The following C10orf90 variants were observed in gnomAD, a reference collection of about 807,000 sequenced individuals.
The protein encoded by C10orf90 is (E2-independent) E3 ubiquitin-conjugating enzyme FATS.
C10orf90 carries 56 observed loss-of-function variants against 62.5 expected under a neutral mutation model. The observed-to-expected ratio is 0.90, with a 90% CI of 0.72 to 1.12. C10orf90 has a LOEUF of 1.12. C10orf90 is among the 50% of genes most tolerant of loss of function. The pLI, the probability that C10orf90 is intolerant of heterozygous loss-of-function variation, is 0.00. For missense variants in C10orf90, 970 were observed against 880.4 expected (o/e 1.10, Z -1.29); for synonymous variants, 386 against 340.4 (o/e 1.13, Z -1.47).
intron 8 of C10orf90, 135 bp downstream of exon 8, chr10:126,429,652 A>T: frequency 1.5e-6 from 1 of 675,212 alleles, no homozygotes; most frequent in Non-Finnish European, 2.6e-6. Context: ...CCGTTTTTTC[A>T]GATTTGCAGC....
chr10:126,459,488 G>A (rs923382981), intron 6 of C10orf90, among the ~76,000 whole-genome samples: 3 of 152,212 alleles, frequency 2.0e-5, no homozygotes, highest in African/African-American at 7.2e-5. Flanking sequence ...AGCTGGGAGT[G>A]CAGAGGCAAC....
chr10:126,593,295 A>G (rs979012720), intron 2 of C10orf90, among the ~76,000 whole-genome samples: 7 of 152,352 alleles, frequency 4.6e-5, no homozygotes, highest in Non-Finnish European at 8.8e-5. Context: ...CCAAATACCC[A>G]TCAGTGATAG....
chr10:126,506,352 G>A (rs1323634555), intron 3 of C10orf90, among the ~76,000 whole-genome samples: 4 of 152,248 alleles, frequency 2.6e-5, no homozygotes, highest in Non-Finnish European at 5.9e-5. Context: ...GGCTAACAGG[G>A]TCCTGGCCCC....
intron 2 of C10orf90, among the ~76,000 whole-genome samples, chr10:126,635,954 G>A (rs538891969): frequency 3.9e-5 from 6 of 152,282 alleles, no homozygotes; most frequent in African/African-American, 1.4e-4. Flanking sequence ...TTATTCAGGA[G>A]CTCTCCCCTC....
intron 1 of C10orf90, among the ~76,000 whole-genome samples, chr10:126,655,414 A>T (rs1285159612): frequency 2.6e-5 from 4 of 152,346 alleles, no homozygotes; most frequent in African/African-American, 4.8e-5. Context: ...AGAATTTCTA[A>T]AATGTGACAC....
intron 2 of C10orf90, among the ~76,000 whole-genome samples, chr10:126,575,211 G>T (rs1290237514): frequency 6.6e-6 from 1 of 151,954 alleles, no homozygotes; most frequent in Non-Finnish European, 1.5e-5. Context: ...AAGTCAAATT[G>T]TCCCTGTTTG....
chr10:126,595,658 G>A (rs928047587), intron 2 of C10orf90, among the ~76,000 whole-genome samples: 1 of 152,072 alleles, frequency 6.6e-6, no homozygotes, highest in Non-Finnish European at 1.5e-5. Context: ...TCTGGGCCCC[G>A]TTCCCCCATC....
intron 2 of C10orf90, chr10:126,524,779 G>A: frequency 1.0e-6 from 1 of 985,510 alleles, no homozygotes; most frequent in Non-Finnish European, 1.2e-6. Flanking sequence ...ATGAGGGCTT[G>A]TCCTACAAGA....
intron 2 of C10orf90, among the ~76,000 whole-genome samples, chr10:126,618,247 T>C (rs1053252669): frequency 2.0e-5 from 3 of 152,330 alleles, no homozygotes; most frequent in Admixed American, 6.5e-5. Flanking sequence ...GCCCGCATGA[T>C]GCATCTCGAT....
At chr10:126,556,322 G>C (rs1036549121) in intron 2 of C10orf90, among the ~76,000 whole-genome samples, 5 of 152,146 alleles carry the variant, frequency 3.3e-5, no homozygotes, top group Admixed American at 6.5e-5. Context: ...AGCTGAGTGG[G>C]GACTCTGCAA....
At position 126,565,426 on chromosome 10, in the gene C10orf90, T is replaced by TATATTATATAATAATATATATA. The variant is rs1375705834; in HGVS notation, c.314-51488_314-51487insTATATATATTATTATATAATAT. ...TATATATAATATATATTATATATAT[T>TATATTATATAATAATATATATA]ATATATATTATACACACACACACAC... On this transcript the variant is annotated intron_variant, in intron 2 of 9. Transcript: ENST00000488181. Among the ~76,000 whole-genome samples, 6 of 57,210 alleles carry TATATTATATAATAATATATATA rather than the reference T, an allele frequency of 1.0e-4. 1 individual carries two copies. In the East Asian group the frequency reaches 2.0e-3, roughly 19 times the overall value. The allele number at this position is 57,210 out of a possible 152,430, so 37.5% of individuals were successfully genotyped here. A position where few individuals can be genotyped will look rare whatever the true frequency, so the allele number is the denominator to read the frequency against.
Position 126,624,619 on chromosome 10 carries a change from C to T in C10orf90, c.313+21946G>A, listed in dbSNP as rs978850898. Among the ~76,000 whole-genome samples the T allele has an allele frequency of 3.3e-5, 5 of 152,272 alleles. No homozygotes were observed. In the South Asian group the frequency reaches 8.3e-4, roughly 25 times the overall value. On this transcript the variant is annotated intron_variant, in intron 2 of 9. Transcript: ENST00000488181. ...AGAAATGGTTCCATAGCTGGACAGA[C>T]AGTCAGGATAAGAGCATTGAGTCAA...
At chr10:126,484,932 G>A (rs1861348325) in intron 4 of C10orf90, among the ~76,000 whole-genome samples, 1 of 152,110 alleles carries the variant, frequency 6.6e-6, no homozygotes, top group African/African-American at 2.4e-5. Context: ...ACTCTAATTC[G>A]TGGCTTAATT....
At chr10:126,587,505 T>C (rs761306747) in intron 2 of C10orf90, among the ~76,000 whole-genome samples, 1 of 152,200 alleles carries the variant, frequency 6.6e-6, no homozygotes, top group Non-Finnish European at 1.5e-5. Flanking sequence ...GTATCTGTTT[T>C]CATAAGGATA....
At chr10:126,654,140 C>G (rs550046396) in intron 1 of C10orf90, among the ~76,000 whole-genome samples, 1 of 152,270 alleles carries the variant, frequency 6.6e-6, no homozygotes, top group South Asian at 2.1e-4. Flanking sequence ...GGGAAATGAG[C>G]ATTGGTTTCA....
chr10:126,459,699 G>A (rs1005867399), intron 6 of C10orf90, among the ~76,000 whole-genome samples: 4 of 152,214 alleles, frequency 2.6e-5, no homozygotes, highest in African/African-American at 9.6e-5. Context: ...CTTTCAGGAG[G>A]CACCACAACT....
chr10:126,607,244 T>C (rs1224650374), intron 2 of C10orf90, among the ~76,000 whole-genome samples: 1 of 152,226 alleles, frequency 6.6e-6, no homozygotes. Flanking sequence ...ATAGCTACCA[T>C]TGAGTACCCT....
intron 2 of C10orf90, among the ~76,000 whole-genome samples, chr10:126,585,661 G>A (rs1844856266): frequency 2.0e-5 from 3 of 152,168 alleles, no homozygotes. Context: ...GCATGTATGA[G>A]TCAAGAGTAA....
At chr10:126,530,783 A>G (rs1484209406) in intron 2 of C10orf90, among the ~76,000 whole-genome samples, 1 of 152,338 alleles carries the variant, frequency 6.6e-6, no homozygotes, top group East Asian at 1.9e-4. Context: ...AAGAAAATAG[A>G]GGAGGCTAAC....
Sources: allele counts gnomAD v4.1 joint callset (sites outside exome capture counted in the v4.1 genomes callset), GRCh38; gene constraint gnomAD v4.1.1; transcripts MANE v1.5; gene names NCBI Gene and HGNC (gene_info 2026-07-23, HGNC 2026-07-21).